The following PRKN variants were observed in gnomAD, a reference collection of about 807,000 sequenced individuals.
PRKN encodes the protein parkin RBR E3 ubiquitin protein ligase, also known as E3 ubiquitin-protein ligase parkin.
PRKN carries 56 observed loss-of-function variants against 59.5 expected under a neutral mutation model. The observed-to-expected ratio is 0.94, with a 90% CI of 0.76 to 1.18. The LOEUF is 1.18. Among genes scored for constraint, PRKN ranks in the 50% most tolerant of loss-of-function variants. The pLI is 0.00. For missense variants in PRKN, 657 were observed against 596.4 expected, an observed-to-expected ratio of 1.10 and a Z score of -1.06; for synonymous variants, 250 against 222.1, an observed-to-expected ratio of 1.13 and a Z score of -1.12.
At chr6:161,820,429 AT>A (rs1231533638) in intron 6 of PRKN, among the ~76,000 whole-genome samples, 2 of 150,174 alleles carry the variant, frequency 1.3e-5, no homozygotes, top group Non-Finnish European at 3.0e-5. Context: ...ATTACAAATA[AT>A]TTTTTAAATA....
At chr6:161,696,942 T>C (rs1042401449) in intron 7 of PRKN, among the ~76,000 whole-genome samples, 8 of 152,296 alleles carry the variant, frequency 5.3e-5, no homozygotes, top group African/African-American at 1.9e-4. Context: ...ATGTAAGCCC[T>C]ACATTCTTTC....
At chr6:161,825,619 C>G (rs983098804) in intron 6 of PRKN, among the ~76,000 whole-genome samples, 2 of 152,208 alleles carry the variant, frequency 1.3e-5, no homozygotes, top group South Asian at 4.1e-4. Context: ...GCTCTACTCC[C>G]AAGCTTGAAT....
intron 1 of PRKN, among the ~76,000 whole-genome samples, chr6:162,495,055 T>G (rs938541552): frequency 1.3e-5 from 2 of 152,160 alleles, no homozygotes; most frequent in Non-Finnish European, 2.9e-5. Context: ...ATGGTGGAGT[T>G]TGATATCCAC....
At chr6:161,474,698 C>T (rs1216366456) in intron 9 of PRKN, among the ~76,000 whole-genome samples, 1 of 148,970 alleles carries the variant, frequency 6.7e-6, no homozygotes, top group Non-Finnish European at 1.5e-5. Context: ...GGGTTCACGC[C>T]ATTCTCCTGC....
intron 2 of PRKN, among the ~76,000 whole-genome samples, chr6:162,354,371 G>A (rs1156431728): frequency 6.6e-6 from 1 of 152,070 alleles, no homozygotes; most frequent in South Asian, 2.1e-4. Context: ...TCACAAAGCA[G>A]TCTCTTGATT....
intron 2 of PRKN, among the ~76,000 whole-genome samples, chr6:162,420,206 T>C (rs1788884082): frequency 6.6e-6 from 1 of 150,426 alleles, no homozygotes; most frequent in African/African-American, 2.4e-5. Flanking sequence ...CATCAGGCAT[T>C]AGATTCTCAT....
chr6:162,083,714 CA>C (rs11314682), intron 4 of PRKN, among the ~76,000 whole-genome samples: 114,963 of 151,860 alleles, frequency 0.76, 43,890 homozygotes, highest in East Asian at 0.86. Flanking sequence ...ATCCACTTAT[CA>C]ATTACACAGT....
At chr6:162,213,758 T>G (rs991592943) in intron 3 of PRKN, among the ~76,000 whole-genome samples, 2 of 146,836 alleles carry the variant, frequency 1.4e-5, no homozygotes, top group African/African-American at 2.5e-5. Context: ...AAATGTATAT[T>G]TTGTAGAATT....
At chr6:162,301,281 C>A (rs1264036993) in intron 2 of PRKN, among the ~76,000 whole-genome samples, 1 of 152,106 alleles carries the variant, frequency 6.6e-6, no homozygotes, top group Non-Finnish European at 1.5e-5. Flanking sequence ...GGCCATTTAA[C>A]CCCCAAGGCT....
intron 2 of PRKN, among the ~76,000 whole-genome samples, chr6:162,343,835 A>G (rs187592177): frequency 1.3e-5 from 2 of 152,198 alleles, no homozygotes; most frequent in African/African-American, 4.8e-5. Flanking sequence ...ATGTTGCAAG[A>G]TAAGAAAGCT....
chr6:162,599,336 C>A (rs1399688306), intron 1 of PRKN, among the ~76,000 whole-genome samples: 1 of 152,064 alleles, frequency 6.6e-6, no homozygotes, highest in African/African-American at 2.4e-5. Flanking sequence ...AAGGCTGTGG[C>A]CTTGATGGTG....
intron 7 of PRKN, among the ~76,000 whole-genome samples, chr6:161,652,454 T>C (rs1784184633): frequency 6.6e-6 from 1 of 152,222 alleles, no homozygotes; most frequent in Admixed American, 6.5e-5. Context: ...ACTATAGTAT[T>C]ATATTTATAT....
intron 7 of PRKN, among the ~76,000 whole-genome samples, chr6:161,755,849 G>A (rs1788893968): frequency 6.6e-6 from 1 of 152,054 alleles, no homozygotes; most frequent in African/African-American, 2.4e-5. Context: ...TCAAGCAGGT[G>A]AGTGGGAAAC....
At chr6:161,880,128 T>C (rs1008342880) in intron 6 of PRKN, among the ~76,000 whole-genome samples, 2 of 152,234 alleles carry the variant, frequency 1.3e-5, no homozygotes, top group African/African-American at 4.8e-5. Flanking sequence ...CAATGGTATA[T>C]GTAGATACTG....
chr6:162,287,492 T>C (rs998129175), intron 2 of PRKN, among the ~76,000 whole-genome samples: 1 of 152,076 alleles, frequency 6.6e-6, no homozygotes, highest in Admixed American at 6.5e-5. Context: ...CGCTTGAGTC[T>C]GGGAGGTCCA....
chr6:162,657,025 A>G (rs919275557), intron 1 of PRKN, among the ~76,000 whole-genome samples: 14 of 152,330 alleles, frequency 9.2e-5, no homozygotes, highest in African/African-American at 2.9e-4. Flanking sequence ...CCAACTTGCC[A>G]TAAGTTTAAT....
chr6:162,359,951 T>C (rs1421670678), intron 2 of PRKN, among the ~76,000 whole-genome samples: 3 of 152,206 alleles, frequency 2.0e-5, no homozygotes, highest in Non-Finnish European at 2.9e-5. Flanking sequence ...TATTGTTTTA[T>C]TCTTCAAAAT....
At chr6:161,540,528 ACTTTCATTAGTTCTC>A in intron 9 of PRKN, among the ~76,000 whole-genome samples, 1 of 152,326 alleles carries the variant, frequency 6.6e-6, no homozygotes, top group South Asian at 2.1e-4. Flanking sequence ...AAAAAGTCAT[ACTTTCATTAGTTCTC>A]TACAGAAATG....
At chr6:161,350,487 A>C (rs559032990) in intron 11 of PRKN, among the ~76,000 whole-genome samples, 1 of 149,836 alleles carries the variant, frequency 6.7e-6, no homozygotes, top group South Asian at 2.1e-4. Context: ...ATTCTCCTGA[A>C]AGGGGATTTA....
Sources: gnomAD v4.1 joint callset for allele counts (sites outside exome capture counted in the v4.1 genomes callset) on GRCh38, gnomAD v4.1.1 for gene constraint, MANE v1.5 for transcripts, NCBI Gene and HGNC (gene_info 2026-07-23, HGNC 2026-07-21) for gene names.